ATP8A2: variants seen among roughly 807,000 people sequenced by gnomAD.
The protein encoded by ATP8A2 is ATPase phospholipid transporting 8A2.
A neutral mutation model predicts 165.6 loss-of-function variants in ATP8A2; 100 were observed. The ratio of observed to expected loss-of-function variants is 0.60; its 90% CI spans 0.51 to 0.71. The LOEUF is 0.71. ATP8A2 is among the 30% of genes least tolerant of loss of function. The probability of loss-of-function intolerance (pLI) is 0.00; values close to 1 mark genes in which losing one functional copy is unlikely to be tolerated. For missense variants in ATP8A2, 1,227 were observed against 1,479.5 expected, an observed-to-expected ratio of 0.83 and a Z score of 2.80; for synonymous variants, 543 against 548.8, an observed-to-expected ratio of 0.99 and a Z score of 0.15.
intron 25 of ATP8A2, among the ~76,000 whole-genome samples, chr13:25,737,510 G>T (rs1307110111): frequency 6.6e-6 from 1 of 152,008 alleles, no homozygotes; most frequent in Non-Finnish European, 1.5e-5. Context: ...TTTCTTTTCT[G>T]TGTGTGTGAG....
intron 1 of ATP8A2, among the ~76,000 whole-genome samples, chr13:25,376,277 T>A (rs726177): frequency 6.6e-6 from 1 of 152,254 alleles, no homozygotes; most frequent in African/African-American, 2.4e-5. Context: ...TTTCTCTTCC[T>A]TGATAAGAAA....
chr13:25,842,989 G>A (rs765547973), intron 30 of ATP8A2, among the ~76,000 whole-genome samples: 1 of 152,180 alleles, frequency 6.6e-6, no homozygotes, highest in Non-Finnish European at 1.5e-5. Context: ...GATAGTGTTT[G>A]GAGAGGGTGT....
At chr13:25,895,659 G>C (rs1278730353) in intron 33 of ATP8A2, among the ~76,000 whole-genome samples, 3 of 152,100 alleles carry the variant, frequency 2.0e-5, no homozygotes, top group Admixed American at 6.6e-5. Context: ...AATCCATCTG[G>C]TCCTGGACTT....
chr13:25,606,390 A>G (rs191432244), intron 24 of ATP8A2, among the ~76,000 whole-genome samples: 57 of 152,344 alleles, frequency 3.7e-4, no homozygotes, highest in African/African-American at 1.3e-3. Context: ...TTGAAGAAGA[A>G]TGATTCATTG....
At chr13:25,861,229 C>T (rs552877478) in intron 32 of ATP8A2, among the ~76,000 whole-genome samples, 2 of 151,946 alleles carry the variant, frequency 1.3e-5, no homozygotes, top group South Asian at 2.1e-4. Context: ...TCCTGTGGAA[C>T]CTTCCGGACT....
intron 1 of ATP8A2, among the ~76,000 whole-genome samples, chr13:25,427,617 T>C (rs2034487614): frequency 6.6e-6 from 1 of 151,988 alleles, no homozygotes; most frequent in Non-Finnish European, 1.5e-5. Flanking sequence ...AACAAATGGC[T>C]GAGCACAGTG....
intron 1 of ATP8A2, among the ~76,000 whole-genome samples, chr13:25,468,215 A>G (rs2035724542): frequency 6.6e-6 from 1 of 152,136 alleles, no homozygotes; most frequent in Admixed American, 6.5e-5. Flanking sequence ...TAGGACTGAA[A>G]TCAAATCTTG....
intron 33 of ATP8A2, among the ~76,000 whole-genome samples, chr13:25,919,326 T>TA (rs1344796812): frequency 1.3e-5 from 2 of 152,208 alleles, no homozygotes; most frequent in Non-Finnish European, 2.9e-5. Flanking sequence ...GATAGCCACT[T>TA]ACAACATTTA....
At chr13:25,556,553 A>G (rs1355342841) in intron 13 of ATP8A2, among the ~76,000 whole-genome samples, 2 of 152,112 alleles carry the variant, frequency 1.3e-5, no homozygotes, top group Admixed American at 1.3e-4. Flanking sequence ...ATTTTCTCCC[A>G]TTCTGTAGGT....
At chr13:25,961,794 A>G in intron 34 of ATP8A2, 131 bp downstream of exon 34, 1 of 686,240 alleles carries the variant, frequency 1.5e-6, no homozygotes. Context: ...GCCACCTGCC[A>G]GAAATGAAAA....
At chr13:25,647,998 T>A (rs1266801391) in intron 24 of ATP8A2, among the ~76,000 whole-genome samples, 2 of 152,196 alleles carry the variant, frequency 1.3e-5, no homozygotes, top group Non-Finnish European at 2.9e-5. Context: ...CCATTATTTC[T>A]TTAAATATGC....
chr13:25,550,934 C>T (rs2038801895), intron 10 of ATP8A2, among the ~76,000 whole-genome samples: 1 of 152,142 alleles, frequency 6.6e-6, no homozygotes, highest in Non-Finnish European at 1.5e-5. Context: ...GTGCTATTAT[C>T]GTGAAGGTCT....
intron 30 of ATP8A2, among the ~76,000 whole-genome samples, chr13:25,846,240 G>A (rs1018659682): frequency 2.0e-5 from 3 of 152,116 alleles, no homozygotes; most frequent in Non-Finnish European, 4.4e-5. Flanking sequence ...TGTGTTCTGG[G>A]GACACAGTAG....
intron 27 of ATP8A2, among the ~76,000 whole-genome samples, chr13:25,786,108 G>A (rs754667947): frequency 2.0e-5 from 3 of 152,048 alleles, no homozygotes; most frequent in Non-Finnish European, 2.9e-5. Context: ...TTGGGAGTTT[G>A]TTGCCTTTTA....
intron 33 of ATP8A2, among the ~76,000 whole-genome samples, chr13:25,891,361 C>T (rs548797266): frequency 5.3e-5 from 8 of 152,256 alleles, no homozygotes; most frequent in African/African-American, 9.6e-5. Flanking sequence ...CTCGCTCTGT[C>T]GCCCAGGCTG....
At chr13:25,536,061 A>T (rs2038271639) in intron 6 of ATP8A2, among the ~76,000 whole-genome samples, 1 of 152,078 alleles carries the variant, frequency 6.6e-6, no homozygotes, top group South Asian at 2.1e-4. Context: ...TTTACTAATT[A>T]CTTCTTCTGA....
intron 33 of ATP8A2, among the ~76,000 whole-genome samples, chr13:25,869,666 A>G (rs753612133): frequency 7.9e-5 from 12 of 152,226 alleles, no homozygotes; most frequent in Non-Finnish European, 1.6e-4. Context: ...ATGTTTATTG[A>G]ACAATTGAGA....
intron 27 of ATP8A2, among the ~76,000 whole-genome samples, chr13:25,821,288 A>G (rs956016999): frequency 6.6e-6 from 1 of 152,192 alleles, no homozygotes; most frequent in Non-Finnish European, 1.5e-5. Flanking sequence ...GAACAATGTT[A>G]ATGTCAACAA....
intron 1 of ATP8A2, among the ~76,000 whole-genome samples, chr13:25,451,721 T>G (rs1330440836): frequency 1.3e-5 from 2 of 152,158 alleles, no homozygotes; most frequent in South Asian, 4.1e-4. Flanking sequence ...AGTTTTGTTT[T>G]GTTTTACAAT....
Sources: allele counts gnomAD v4.1 joint callset (sites outside exome capture counted in the v4.1 genomes callset), GRCh38; gene constraint gnomAD v4.1.1; transcripts MANE v1.5; gene names NCBI Gene and HGNC (gene_info 2026-07-23, HGNC 2026-07-21).